The following ZSWIM5 variants were observed in gnomAD, a reference collection of about 807,000 sequenced individuals.
ZSWIM5 encodes zinc finger SWIM domain-containing protein 5.
In ZSWIM5, 55 loss-of-function variants were observed where a neutral mutation model predicts 119.6. The observed-to-expected ratio is 0.46, with a 90% confidence interval of 0.37 to 0.58. The LOEUF (loss-of-function observed/expected upper bound fraction) is 0.58, where lower values mean the gene tolerates loss of function less well. Among genes scored for constraint, ZSWIM5 ranks in the 20% least tolerant of loss-of-function variants. The pLI, the probability that ZSWIM5 is intolerant of heterozygous loss-of-function variation, is 0.00. For synonymous variants in ZSWIM5, 537 were observed against 606.9 expected, an observed-to-expected ratio of 0.88 and a Z score of 1.69; for missense variants, 1,193 against 1,512.8, an observed-to-expected ratio of 0.79 and a Z score of 3.51.
intron 11 of ZSWIM5, among the ~76,000 whole-genome samples, chr1:45,022,953 C>A (rs189982567): frequency 6.6e-6 from 1 of 152,130 alleles, no homozygotes; most frequent in Admixed American, 6.6e-5. Context: ...CTTTTTGGAA[C>A]ACTGAGGAGT....
chr1:45,179,446 A>G (rs1036503538), intron 1 of ZSWIM5, among the ~76,000 whole-genome samples: 2 of 152,106 alleles, frequency 1.3e-5, no homozygotes, highest in Non-Finnish European at 2.9e-5. Flanking sequence ...AATACAACAT[A>G]GGGAAGGGAG....
rs1645232433 is a variant in ZSWIM5, at chr1:45,072,915, C to T, written c.953-12668G>A. 6.6e-6 allele frequency among the ~76,000 whole-genome samples: 1 copy of T among 151,932 alleles called. No individual in the cohort carries two copies. The highest frequency in any genetic ancestry group is 6.5e-5 in the Admixed American group (1 of 15,280). On this transcript the variant is annotated intron_variant, in intron 2 of 13. Transcript: ENST00000359600. This position sits in a 1 kb window ranked among gnomAD's most constrained non-coding sequence, Gnocchi z 4.1. ...GGTTATTCCAGGTCTTTTGTGGTTT[C>T]ACATAGCAAAAAACAATTTTAGAAT...
chr1:45,017,045 C>G lies in ZSWIM5; in HGVS notation c.*1409G>C, dbSNP rs1644858185. ...AAGCAAGTATGAGGCGAGAAGAGAA[C>G]TATGGAGCTAAAGCAGCCAATCTGA... On this transcript the variant is annotated 3_prime_UTR_variant, in exon 14 of 14. Coordinates refer to ENST00000359600, the MANE Select transcript of ZSWIM5 (RefSeq NM_020883.2). The G allele has an allele frequency of 6.6e-6, 1 of 152,180 alleles. No homozygotes were observed. The highest frequency in any genetic ancestry group is 2.1e-4 in the South Asian group (1 of 4,830). The allele number at this position is 152,180 out of a possible 1,614,324, so 9.4% of individuals were successfully genotyped here.
chr1:45,068,091 C>CTTTTTTT (rs869057806), intron 2 of ZSWIM5, among the ~76,000 whole-genome samples: 9 of 111,506 alleles, frequency 8.1e-5, no homozygotes, highest in Admixed American at 2.0e-4. Flanking sequence ...AGCAATTTTT[C>CTTTTTTT]TTTTTTTTTT....
chr1:45,054,201 C>T (rs1163822192), intron 4 of ZSWIM5, among the ~76,000 whole-genome samples: 1 of 151,958 alleles, frequency 6.6e-6, no homozygotes, highest in Admixed American at 6.6e-5. Flanking sequence ...TTTCTTGATC[C>T]CAGGAGTTTG....
At chr1:45,182,273 T>G (rs1226738) in intron 1 of ZSWIM5, among the ~76,000 whole-genome samples, 24,350 of 151,104 alleles carry the variant, frequency 0.16, 2,073 homozygotes, top group African/African-American at 0.19. Context: ...GCGCAGTGGC[T>G]GGCGCCTGTA....
intron 1 of ZSWIM5, among the ~76,000 whole-genome samples, chr1:45,145,101 AATC>A (rs1645752286): frequency 6.6e-6 from 1 of 152,198 alleles, no homozygotes; most frequent in South Asian, 2.1e-4. Context: ...CGCAAATTAA[AATC>A]ATTATGAAAT....
In ZSWIM5 at chr1:45,016,927, T is replaced by C. The variant is rs1644857428; in HGVS notation, c.*1527A>G. 6.6e-6 allele frequency: 1 copy of C among 152,244 alleles called. No individual in the cohort carries two copies. The highest frequency in any genetic ancestry group is 1.5e-5 in the Non-Finnish European group (1 of 68,056). 9.4% of individuals were successfully genotyped at this position (152,244 alleles called of 1,614,324 possible). ...GGCTAGAAATTAGGAAGGGAGAGGCTAAGTGCAGACCAGCCCTAGCCTCCA... is the reference window on the plus strand; with the variant it reads ...GGCTAGAAATTAGGAAGGGAGAGGCCAAGTGCAGACCAGCCCTAGCCTCCA... On this transcript the variant is annotated 3_prime_UTR_variant, in exon 14 of 14. Coordinates refer to ENST00000359600, the MANE Select transcript of ZSWIM5 (RefSeq NM_020883.2).
Position 45,092,545 on chromosome 1 carries a change from C to G in ZSWIM5, c.596-4308G>C, listed in dbSNP as rs888039504. On this transcript the variant is annotated intron_variant, in intron 1 of 13. Transcript: ENST00000359600. Reference sequence around the variant, plus strand: ...CTTGTGACCTCGTGATCCACCCCCCCCCCCCCGCCAGCCTTACAAAGTGCT... The same window carrying G: ...CTTGTGACCTCGTGATCCACCCCCCGCCCCCCGCCAGCCTTACAAAGTGCT... Among the ~76,000 whole-genome samples, 20 of 105,670 alleles carry G rather than the reference C, an allele frequency of 1.9e-4. 1 individual carries two copies. Among genetic ancestry groups the G allele is most frequent in the South Asian group, 4.2e-4 (1 of 2,362 alleles). The allele number at this position is 105,670 out of a possible 152,430, so 69.3% of individuals were successfully genotyped here.
At chr1:45,033,679 C>A (rs1644965572) in intron 11 of ZSWIM5, among the ~76,000 whole-genome samples, 1 of 151,556 alleles carries the variant, frequency 6.6e-6, no homozygotes, top group Admixed American at 6.6e-5. Context: ...CTTCCAGTGG[C>A]CCTGGGAGGC....
intron 1 of ZSWIM5, among the ~76,000 whole-genome samples, chr1:45,112,869 C>T (rs1375058359): frequency 1.3e-5 from 2 of 152,186 alleles, no homozygotes; most frequent in Non-Finnish European, 2.9e-5. Flanking sequence ...ACTGTGTAGA[C>T]AGTTCTATGA....
intron 1 of ZSWIM5, among the ~76,000 whole-genome samples, chr1:45,186,636 C>T (rs112735851): frequency 0.072 from 11,008 of 152,012 alleles, 494 homozygotes; most frequent in Non-Finnish European, 0.1. Flanking sequence ...GACAGTGTCT[C>T]GCTCTGTCAC....
intron 1 of ZSWIM5, among the ~76,000 whole-genome samples, chr1:45,165,587 C>A (rs930518186): frequency 7.3e-5 from 11 of 151,544 alleles, no homozygotes; most frequent in Non-Finnish European, 1.5e-4. Flanking sequence ...AATAAAGAAG[C>A]AAAGAGGGAA....
intron 9 of ZSWIM5, 84 bp downstream of exon 9, chr1:45,035,955 G>A (rs1247660641): frequency 6.4e-7 from 1 of 1,569,324 alleles, no homozygotes; most frequent in African/African-American, 1.4e-5. Flanking sequence ...TGTCATAAAT[G>A]TTCCTGTACT....
rs1303098920 is a variant in ZSWIM5, at chr1:45,057,469, A to G, written c.1252+1140T>C. Among the ~76,000 whole-genome samples the G allele has an allele frequency of 6.6e-6, 1 of 152,206 alleles. No homozygotes were observed. The highest frequency in any genetic ancestry group is 1.5e-5 in the Non-Finnish European group (1 of 68,030). ...TCCCAGAGGTAAAGCCCAAGTTCAC[A>G]GCACAATCCTGTGACTGGTTCAGAA... On this transcript the variant is annotated intron_variant, in intron 4 of 13. Transcript: ENST00000359600. This position sits in a 1 kb window ranked among gnomAD's most constrained non-coding sequence, Gnocchi z 4.7.
At chr1:45,052,105 C>T (rs1372218417) in intron 4 of ZSWIM5, among the ~76,000 whole-genome samples, 2 of 151,094 alleles carry the variant, frequency 1.3e-5, no homozygotes, top group Non-Finnish European at 2.9e-5. Context: ...TGAGTTCAAG[C>T]AATTCTCCAG....
chr1:45,024,192 CTT>C (rs59909524), intron 11 of ZSWIM5, among the ~76,000 whole-genome samples: 1 of 129,512 alleles, frequency 7.7e-6, no homozygotes. Flanking sequence ...CTTTTCTTTT[CTT>C]TTTTTTTTTT....
chr1:45,018,795 C>A lies in ZSWIM5; in HGVS notation c.3217G>T (p.Val1073Leu). The change falls in exon 14 of 14, where the codon GTG (valine) becomes TTG (leucine). Residue 1073 changes from valine (V) to leucine (L), a missense_variant. Val to Leu is a conservative substitution (Grantham distance 32). Transcript: ENST00000359600. The surrounding 1 kb of genome is among the most constrained non-coding windows in gnomAD (Gnocchi z 6.7). ...LVVKSVHCAT[V>L]LSDILRRCTV... ...CAGCGTCGTAAGATGTCTGAAAGCA[C>A]TGTGGCACAGTGCACACTCTTCACC... 6.2e-7 allele frequency: 1 copy of A among 1,614,252 alleles called. No individual in the cohort carries two copies. Among genetic ancestry groups the A allele is most frequent in the Non-Finnish European group, 8.5e-7 (1 of 1,180,048 alleles).
At position 45,088,495 on chromosome 1, in the gene ZSWIM5, C is replaced by T. The variant is rs77178679; in HGVS notation, c.596-258G>A. Among the ~76,000 whole-genome samples, 8 of 152,030 alleles carry T rather than the reference C, an allele frequency of 5.3e-5. No homozygotes were observed. The highest frequency in any genetic ancestry group is 8.8e-5 in the Non-Finnish European group (6 of 68,000). ...ACTGATATGAAAACTTTAGTTTGTA[C>T]GTGTATACATTTTTCTGGGGGTGGG... On this transcript the variant is annotated intron_variant, in intron 1 of 13. Transcript: ENST00000359600. The surrounding 1 kb of genome is among the most constrained non-coding windows in gnomAD (Gnocchi z 4.2).
Sources: allele counts gnomAD v4.1 joint callset (sites outside exome capture counted in the v4.1 genomes callset), GRCh38; gene constraint gnomAD v4.1.1; non-coding constraint Gnocchi (gnomAD v3.1); transcripts MANE v1.5; gene names NCBI Gene and HGNC (gene_info 2026-07-23, HGNC 2026-07-21).